CUBN: variants seen among roughly 807,000 people sequenced by gnomAD.
The protein encoded by CUBN is 460 kDa receptor.
Under a neutral mutation model 405.3 loss-of-function variants are expected in CUBN, and 282 were observed. The observed-to-expected ratio is 0.70, with a 90% confidence interval of 0.63 to 0.77. The LOEUF (loss-of-function observed/expected upper bound fraction) is 0.77, where lower values mean the gene tolerates loss of function less well. Among genes scored for constraint, CUBN ranks in the 30% least tolerant of loss-of-function variants. The pLI is 0.00. For synonymous variants in CUBN, 1,684 were observed against 1,617.0 expected, an observed-to-expected ratio of 1.04 and a Z score of -0.99; for missense variants, 4,514 against 4,475.2, an observed-to-expected ratio of 1.01 and a Z score of -0.25.
At chr10:16,914,484 G>C (rs1841826124) in intron 47 of CUBN, among the ~76,000 whole-genome samples, 1 of 151,982 alleles carries the variant, frequency 6.6e-6, no homozygotes, top group African/African-American at 2.4e-5. Flanking sequence ...GCTTGAACCC[G>C]GGAGGCAGAG....
intron 31 of CUBN, among the ~76,000 whole-genome samples, chr10:16,971,806 T>C (rs59711983): frequency 0.065 from 9,896 of 151,790 alleles, 1,136 homozygotes; most frequent in African/African-American, 0.23. Context: ...TATTTCTCCA[T>C]TTTTTTTAAA....
In CUBN at chr10:16,844,075, G is replaced by A. The variant is rs181300919; in HGVS notation, c.9664-3028C>T. Among the ~76,000 whole-genome samples, 160 of 152,082 alleles carry A rather than the reference G, an allele frequency of 1.1e-3. 1 individual carries two copies. Among genetic ancestry groups the A allele is most frequent in the Middle Eastern group, 6.8e-3 (2 of 294 alleles). Reference sequence around the variant, plus strand: ...GCCTGAGGTCAGGAGTTCGAGACCAGCCTGACCAAAATGGAGAAACCCCAT... The same window carrying A: ...GCCTGAGGTCAGGAGTTCGAGACCAACCTGACCAAAATGGAGAAACCCCAT... On this transcript the variant is annotated intron_variant, in intron 60 of 66. Coordinates refer to ENST00000377833, the MANE Select transcript of CUBN (RefSeq NM_001081.4).
intron 17 of CUBN, among the ~76,000 whole-genome samples, chr10:17,083,808 A>G (rs1836029868): frequency 6.6e-6 from 1 of 152,208 alleles, no homozygotes; most frequent in African/African-American, 2.4e-5. Context: ...AATTTAGCAT[A>G]AGAAATACCA....
chr10:17,026,004 T>C (rs532875629), intron 27 of CUBN, among the ~76,000 whole-genome samples: 2 of 152,110 alleles, frequency 1.3e-5, no homozygotes, highest in South Asian at 2.1e-4. Context: ...GCAAAGTGGC[T>C]CTCATGCTAA....
At chr10:16,972,525 C>T (rs1294131930) in intron 31 of CUBN, among the ~76,000 whole-genome samples, 1 of 151,632 alleles carries the variant, frequency 6.6e-6, no homozygotes, top group African/African-American at 2.4e-5. Flanking sequence ...GCAGCCTCGA[C>T]CTCCCATGCT....
At position 16,862,156 on chromosome 10, in the gene CUBN, T is replaced by TCACACA. The variant is rs1377846836; in HGVS notation, c.9454+7479_9454+7480insTGTGTG. 3.3e-3 allele frequency among the ~76,000 whole-genome samples: 309 copies of TCACACA among 92,762 alleles called. 3 individuals carry two copies. The highest frequency in any genetic ancestry group is 0.02 in the African/African-American group (292 of 14,440). 60.9% of individuals were successfully genotyped at this position (92,762 alleles called of 152,430 possible). A position where few individuals can be genotyped will look rare whatever the true frequency, so the allele number is the denominator to read the frequency against. Reference sequence around the variant, plus strand: ...GAGTGAGACTCCGTCTCTCTCTCTCTCTCTCACACACACACACACACACAC... The same window carrying TCACACA: ...GAGTGAGACTCCGTCTCTCTCTCTCTCACACACTCTCACACACACACACACACACAC... On this transcript the variant is annotated intron_variant, in intron 59 of 66. Coordinates refer to ENST00000377833, the MANE Select transcript of CUBN (RefSeq NM_001081.4).
chr10:16,850,937 G>A (rs1466363540), intron 60 of CUBN, among the ~76,000 whole-genome samples: 1 of 152,194 alleles, frequency 6.6e-6, no homozygotes, highest in Admixed American at 6.5e-5. Flanking sequence ...TCTCTCTCCA[G>A]AAAACCGACC....
At chr10:17,099,931 A>G in intron 14 of CUBN, 74 bp downstream of exon 14, 1 of 897,212 alleles carries the variant, frequency 1.1e-6, no homozygotes, top group Non-Finnish European at 1.9e-6. Flanking sequence ...CATGTATCCA[A>G]AAGTCTAACA....
At chr10:17,115,749 C>A (rs1039770252) in intron 6 of CUBN, 152 bp from the exon 7 acceptor site, 1 of 927,194 alleles carries the variant, frequency 1.1e-6, no homozygotes, top group East Asian at 2.6e-5. Flanking sequence ...ACTGGAGTCT[C>A]GGGAGAAAAT....
At chr10:16,921,341 C>G (rs1029294432) in intron 43 of CUBN, among the ~76,000 whole-genome samples, 5 of 152,148 alleles carry the variant, frequency 3.3e-5, no homozygotes, top group African/African-American at 1.2e-4. Context: ...ATTTTTCCCT[C>G]TGTACATTAA....
chr10:16,970,100 G>A (rs188367037), intron 31 of CUBN, among the ~76,000 whole-genome samples: 3 of 152,166 alleles, frequency 2.0e-5, no homozygotes, highest in Non-Finnish European at 2.9e-5. Flanking sequence ...GGTGGTACAC[G>A]TCCAGAAACA....
Position 16,939,041 on chromosome 10 carries a change from A to T in CUBN, c.5655T>A (p.Asn1885Lys). Residue 1885 changes from asparagine (N) to lysine (K), a missense_variant, in exon 38 of 67, where the codon AAT becomes AAA. Asn to Lys is a moderately conservative substitution (Grantham distance 94, BLOSUM62 0). Coordinates refer to ENST00000377833, the MANE Select transcript of CUBN (RefSeq NM_001081.4). ...TTCTACCATGGACAACGTGAGATGC[A>T]TTCACATTTACTGTCCATTGGTAAT... ...NSNYQWTVNVNASHVVHGRIL... is the reference protein window; with the variant it reads ...NSNYQWTVNVKASHVVHGRIL... 1 of 1,613,810 alleles carries T rather than the reference A, an allele frequency of 6.2e-7. No homozygotes were observed. Among genetic ancestry groups the T allele is most frequent in the Non-Finnish European group, 8.5e-7 (1 of 1,179,700 alleles).
At chr10:17,075,074 T>TTTTC (rs1491387650) in intron 17 of CUBN, among the ~76,000 whole-genome samples, 4 of 63,778 alleles carry the variant, frequency 6.3e-5, no homozygotes, top group Admixed American at 1.3e-4. Flanking sequence ...CTTTGTTTTC[T>TTTTC]TTTTTTTTTT....
Position 16,933,130 on chromosome 10 carries a change from T to C in CUBN, c.6081A>G (p.Glu2027=), listed in dbSNP as rs972426846. Reference sequence around the variant, plus strand: ...TATCATAGGCACACGTTCGGTGAGATTCAATGTCCAGGGAAAGAATGTTGA... The same window carrying C: ...TATCATAGGCACACGTTCGGTGAGACTCAATGTCCAGGGAAAGAATGTTGA... ...VELNILSLDI[E]SHRTCAYDSL... Residue 2027 remains glutamate, a synonymous_variant, in exon 40 of 67, where the codon GAA becomes GAG. Coordinates refer to ENST00000377833, the MANE Select transcript of CUBN (RefSeq NM_001081.4). 8.1e-6 allele frequency: 13 copies of C among 1,614,052 alleles called. No homozygotes were observed. Among genetic ancestry groups the C allele is most frequent in the African/African-American group, 1.3e-5 (1 of 75,010 alleles).
intron 6 of CUBN, among the ~76,000 whole-genome samples, chr10:17,121,535 G>A (rs57917846): frequency 0.02 from 2,722 of 139,050 alleles, 101 homozygotes; most frequent in African/African-American, 0.07. Flanking sequence ...ATCACACACC[G>A]GGGACTGTTG....
intron 14 of CUBN, among the ~76,000 whole-genome samples, chr10:17,090,186 T>C (rs1208905890): frequency 6.6e-6 from 1 of 152,158 alleles, no homozygotes; most frequent in Non-Finnish European, 1.5e-5. Flanking sequence ...AGACATCACA[T>C]AGCGGCATAC....
chr10:16,834,964 T>G, intron 64 of CUBN, 50 bp downstream of exon 64: 2 of 1,536,268 alleles, frequency 1.3e-6, no homozygotes, highest in South Asian at 2.2e-5. Context: ...TCTTAAGTGA[T>G]CCACCATCTT....
intron 11 of CUBN, among the ~76,000 whole-genome samples, chr10:17,104,901 C>T (rs994363662): frequency 1.3e-4 from 19 of 150,576 alleles, no homozygotes; most frequent in East Asian, 2.0e-4. Context: ...CTCTGCCTCC[C>T]GGGTTCAAGT....
intron 62 of CUBN, among the ~76,000 whole-genome samples, chr10:16,839,210 C>T (rs1410204811): frequency 6.6e-6 from 1 of 152,092 alleles, no homozygotes; most frequent in African/African-American, 2.4e-5. Context: ...AGGGAGGATG[C>T]ACTTTTAAGA....
Sources: gnomAD v4.1 joint callset for allele counts (sites outside exome capture counted in the v4.1 genomes callset) on GRCh38, gnomAD v4.1.1 for gene constraint, MANE v1.5 for transcripts, NCBI Gene and HGNC (gene_info 2026-07-23, HGNC 2026-07-21) for gene names.